SCN11A: variants seen among roughly 807,000 people sequenced by gnomAD.
SCN11A encodes the protein sodium voltage-gated channel alpha subunit 11, also known as sodium channel protein type 11 subunit alpha.
SCN11A carries 122 observed loss-of-function variants against 162.2 expected under a neutral mutation model. That is an observed-to-expected ratio of 0.75 (90% CI 0.65 to 0.87). SCN11A has a LOEUF of 0.87. Among genes scored for constraint, SCN11A ranks in the 40% least tolerant of loss-of-function variants. The pLI is 0.00. For missense variants in SCN11A, 2,015 were observed against 2,181.6 expected, an observed-to-expected ratio of 0.92 and a Z score of 1.52; for synonymous variants, 758 against 751.5, an observed-to-expected ratio of 1.01 and a Z score of -0.14.
chr3:39,025,597 C>T lies in SCN11A; in HGVS notation c.-280+6783G>A, dbSNP rs1047710311. Among the ~76,000 whole-genome samples the T allele has an allele frequency of 8.5e-5, 13 of 152,152 alleles. No homozygotes were observed. In the East Asian group the frequency reaches 1.4e-3, roughly 16 times the overall value. ...CCATGGCATTTGTAAACTGTCATGG[C>T]GCTGGTGGGAGTGTCTTCTAGCATG... On this transcript the variant is annotated intron_variant, in intron 2 of 29. Transcript: ENST00000302328.
chr3:38,983,794 C>A (rs545416802), intron 2 of SCN11A, among the ~76,000 whole-genome samples: 1 of 152,320 alleles, frequency 6.6e-6, no homozygotes, highest in African/African-American at 2.4e-5. Flanking sequence ...ACAAAAAACA[C>A]AAAGACCTTT....
Position 38,847,241 on chromosome 3 carries a change from G to A in SCN11A, c.4829C>T (p.Ala1610Val). 6.2e-7 allele frequency: 1 copy of A among 1,614,048 alleles called. No homozygotes were observed. Among genetic ancestry groups the A allele is most frequent in the African/African-American group, 1.3e-5 (1 of 75,034 alleles). Residue 1610 changes from alanine (A) to valine (V), a missense_variant, in exon 30 of 30, where the codon GCC becomes GTC. Coordinates refer to ENST00000302328, the MANE Select transcript of SCN11A (RefSeq NM_001349253.2). ...IAVILENFNT[A>V]TEESEDPLGE... ...CAAAGGGTCCTCACTTTCTTCAGTG[G>A]CTGTATTGAAGTTCTCTAAAATCAC... is the stretch of plus-strand genomic sequence containing the variant.
At chr3:38,873,385 A>T (rs1233660731) in intron 23 of SCN11A, among the ~76,000 whole-genome samples, 1 of 152,152 alleles carries the variant, frequency 6.6e-6, no homozygotes, top group Non-Finnish European at 1.5e-5. Flanking sequence ...TGCCAACCTC[A>T]TTGTAGTAGT....
chr3:39,015,456 T>TA (rs1461648277), intron 2 of SCN11A, among the ~76,000 whole-genome samples: 1 of 152,180 alleles, frequency 6.6e-6, no homozygotes, highest in African/African-American at 2.4e-5. Flanking sequence ...GAGACTGACT[T>TA]ATGGCCATAG....
At chr3:39,024,685 A>C (rs1280193762) in intron 2 of SCN11A, among the ~76,000 whole-genome samples, 3 of 152,198 alleles carry the variant, frequency 2.0e-5, no homozygotes. Context: ...TCCTTGTTTG[A>C]CTGTAAGTCA....
At chr3:39,010,363 G>C (rs2031092148) in intron 2 of SCN11A, among the ~76,000 whole-genome samples, 1 of 148,892 alleles carries the variant, frequency 6.7e-6, no homozygotes, top group Non-Finnish European at 1.5e-5. Flanking sequence ...AGTACAAACA[G>C]AAGTTTTAGT....
At chr3:39,051,009 T>G (rs150582285) in intron 1 of SCN11A, among the ~76,000 whole-genome samples, 40 of 152,318 alleles carry the variant, frequency 2.6e-4, no homozygotes, top group African/African-American at 8.9e-4. Context: ...AAAACCACCT[T>G]AAGTCAAACC....
intron 3 of SCN11A, among the ~76,000 whole-genome samples, chr3:38,956,494 G>A (rs2066683446): frequency 6.6e-6 from 1 of 152,148 alleles, no homozygotes; most frequent in South Asian, 2.1e-4. Flanking sequence ...CTGCCATTTT[G>A]ACAGGAACCT....
intron 2 of SCN11A, among the ~76,000 whole-genome samples, chr3:39,016,171 T>C (rs2031283298): frequency 6.6e-6 from 1 of 152,212 alleles, no homozygotes; most frequent in Admixed American, 6.5e-5. Context: ...CTTTGAAGTA[T>C]AAATTGTGCC....
In SCN11A at chr3:39,048,159, T is replaced by C. The variant is rs578114550; in HGVS notation, c.-404+3702A>G. The stretch of plus-strand genomic sequence containing the variant: ...GAATGGATAAAGAAAATGTGGTACA[T>C]ATATGCAATGAAATACTATTCAATC... On this transcript the variant is annotated intron_variant, in intron 1 of 29. Transcript: ENST00000302328. Among the ~76,000 whole-genome samples the C allele has an allele frequency of 3.3e-4, 50 of 152,294 alleles. No homozygotes were observed. The South Asian group carries it at 3.5e-3, about 11-fold the overall frequency.
At chr3:38,919,672 A>G (rs1451989861) in intron 11 of SCN11A, among the ~76,000 whole-genome samples, 1 of 152,100 alleles carries the variant, frequency 6.6e-6, no homozygotes, top group Non-Finnish European at 1.5e-5. Context: ...TTGAATACCT[A>G]CTCCATAAAG....
intron 3 of SCN11A, among the ~76,000 whole-genome samples, chr3:38,955,119 T>C (rs2066666293): frequency 1.3e-5 from 2 of 152,184 alleles, no homozygotes; most frequent in Non-Finnish European, 2.9e-5. Context: ...TGAAAACCCA[T>C]CTCTACTAAA....
At chr3:38,991,633 C>T (rs1228240238) in intron 2 of SCN11A, among the ~76,000 whole-genome samples, 1 of 152,078 alleles carries the variant, frequency 6.6e-6, no homozygotes, top group Admixed American at 6.6e-5. Context: ...AATCCTAGGC[C>T]TCCATTTTCA....
At chr3:38,946,174 G>A (rs1159686192) in intron 6 of SCN11A, among the ~76,000 whole-genome samples, 1 of 152,184 alleles carries the variant, frequency 6.6e-6, no homozygotes, top group Non-Finnish European at 1.5e-5. Context: ...GCATATAAAT[G>A]GGTAAAATGG....
chr3:39,020,915 T>C (rs2031434080), intron 2 of SCN11A, among the ~76,000 whole-genome samples: 1 of 151,368 alleles, frequency 6.6e-6, no homozygotes, highest in Non-Finnish European at 1.5e-5. Flanking sequence ...AAAAAACAAA[T>C]CCAGATTTAG....
chr3:39,049,499 G>T (rs565954052), intron 1 of SCN11A, among the ~76,000 whole-genome samples: 58 of 152,280 alleles, frequency 3.8e-4, no homozygotes, highest in African/African-American at 1.3e-3. Context: ...GGACAAATAA[G>T]AACTCCCTCA....
intron 11 of SCN11A, among the ~76,000 whole-genome samples, chr3:38,919,097 C>T (rs1366702285): frequency 6.6e-6 from 1 of 152,112 alleles, no homozygotes; most frequent in Non-Finnish European, 1.5e-5. Context: ...AGAAAAGGCA[C>T]TGTAAAAATA....
chr3:38,918,540 C>A lies in SCN11A; in HGVS notation c.959+1395G>T, dbSNP rs140386749. Among the ~76,000 whole-genome samples, 3 of 152,340 alleles carry A rather than the reference C, an allele frequency of 2.0e-5. No homozygotes were observed. In the East Asian group the frequency reaches 5.8e-4, roughly 29 times the overall value. ...GAACAGTTTCATTCTAAAACCACCC[C>A]CACTTCCTGCCCACGAAAAAATTAT... On this transcript the variant is annotated intron_variant, in intron 11 of 29. Transcript: ENST00000302328.
At chr3:38,948,519 G>T (rs1473438780) in intron 5 of SCN11A, among the ~76,000 whole-genome samples, 1 of 152,174 alleles carries the variant, frequency 6.6e-6, no homozygotes, top group Admixed American at 6.5e-5. Context: ...CCTTGGGTTT[G>T]CATCCTAGCT....
Sources: gnomAD v4.1 joint callset for allele counts (sites outside exome capture counted in the v4.1 genomes callset) on GRCh38, gnomAD v4.1.1 for gene constraint, MANE v1.5 for transcripts, NCBI Gene and HGNC (gene_info 2026-07-23, HGNC 2026-07-21) for gene names.